Variants in GORASP1 observed in about 807,000 individuals in gnomAD.
GORASP1 encodes the protein golgi reassembly stacking protein 1.
A neutral mutation model predicts 37.7 loss-of-function variants in GORASP1; 31 were observed. That is an observed-to-expected ratio of 0.82 (90% CI 0.62 to 1.11). GORASP1 has a LOEUF of 1.11. Ranked by LOEUF, GORASP1 falls within the 50% of genes least tolerant of loss-of-function variation. GORASP1 has a pLI of 0.00. For missense variants in GORASP1, 476 were observed against 560.7 expected (o/e 0.85, Z 1.53); for synonymous variants, 204 against 224.8 (o/e 0.91, Z 0.83).
rs1207679725 is a variant in GORASP1 at position 39,105,781 on chromosome 3, C to G, written c.63+1698G>C. On this transcript the variant is annotated intron_variant, in intron 1 of 8. Transcript: ENST00000319283. This position sits in a 1 kb window ranked among gnomAD's most constrained non-coding sequence, Gnocchi z 5.4. ...ATAAAATCTTAAATCTTCAGGACAA[C>G]AGGCAAGGTCCTACACGGTCTGCTC... 6.6e-6 allele frequency among the ~76,000 whole-genome samples: 1 copy of G among 152,182 alleles called. No individual in the cohort carries two copies. Among genetic ancestry groups the G allele is most frequent in the African/African-American group, 2.4e-5 (1 of 41,436 alleles).
intron 6 of GORASP1, among the ~76,000 whole-genome samples, chr3:39,099,842 G>A (rs763053560): frequency 6.6e-6 from 1 of 152,144 alleles, no homozygotes; most frequent in African/African-American, 2.4e-5. Context: ...GGCATACCTG[G>A]AGAACATCCT....
At position 39,107,470 on chromosome 3, in the gene GORASP1, G is replaced by A; in HGVS notation, c.63+9C>T. On this transcript the variant is annotated intron_variant, in intron 1 of 8. Coordinates refer to ENST00000319283, the MANE Select transcript of GORASP1 (RefSeq NM_031899.4). ...CGCCAAGGTCACCGGCGCCGCGGCG[G>A]CAACTCACCCCGTGGAGGTGGAAGC... The A allele has an allele frequency of 1.5e-6, 2 of 1,354,654 alleles. No individual in the cohort carries two copies. The highest frequency in any genetic ancestry group is 1.9e-5 in the South Asian group (1 of 53,588). 83.9% of individuals were successfully genotyped at this position (1,354,654 alleles called of 1,614,324 possible).
Position 39,100,478 on chromosome 3 carries a change from A to G in GORASP1, c.592T>C (p.Tyr198His), listed in dbSNP as rs1292251372. 6.3e-7 allele frequency: 1 copy of G among 1,583,720 alleles called. No individual in the cohort carries two copies. Among genetic ancestry groups the G allele is most frequent in the East Asian group, 2.2e-5 (1 of 44,602 alleles). Reference sequence around the variant, plus strand: ...GGCTGAGTTGGGATCCGGTGTAGATACCCATAGCCAATGCCACATCCCAGA... The same window carrying G: ...GGCTGAGTTGGGATCCGGTGTAGATGCCCATAGCCAATGCCACATCCCAGA... ...GSLGCGIGYG[Y>H]LHRIPTQPPS... The change falls in exon 6 of 9, where the codon TAT (tyrosine) becomes CAT (histidine). Residue 198 changes from tyrosine (Y) to histidine (H), a missense_variant. Transcript: ENST00000319283. This position sits in a 1 kb window ranked among gnomAD's most constrained non-coding sequence, Gnocchi z 4.6.
chr3:39,103,494 G>A lies in GORASP1; in HGVS notation c.123C>T (p.Ile41=). The A allele has an allele frequency of 6.2e-7, 1 of 1,613,508 alleles. No individual in the cohort carries two copies. Among genetic ancestry groups the A allele is most frequent in the Non-Finnish European group, 8.5e-7 (1 of 1,179,782 alleles). The change falls in exon 2 of 9, where the codon ATC becomes ATT. Residue 41 remains isoleucine (I), a synonymous_variant. Transcript: ENST00000319283. The surrounding 1 kb of genome is among the most constrained non-coding windows in gnomAD (Gnocchi z 5.2). ...AGLEPYFDFI[I]TIGHSRLNKE... ...TCACCAGCCTCGAGTGCCCAATGGT[G>A]ATGATGAAGTCAAAGTAGGGCTCCA...
In GORASP1 at chr3:39,103,239, G is replaced by C. The variant is rs1224411311; in HGVS notation, c.144+234C>G. 1.0e-5 allele frequency: 6 copies of C among 588,104 alleles called. No homozygotes were observed. The highest frequency in any genetic ancestry group is 1.8e-5 in the Non-Finnish European group (6 of 331,282). 36.4% of individuals were successfully genotyped at this position (588,104 alleles called of 1,614,324 possible). ...CCAGGAGGCAGGCCCCTTGGGCCTT[G>C]TTGCCACCTCCAAGAGGCCATATGT... On this transcript the variant is annotated intron_variant, in intron 2 of 8. Coordinates refer to ENST00000319283, the MANE Select transcript of GORASP1 (RefSeq NM_031899.4). This position sits in a 1 kb window ranked among gnomAD's most constrained non-coding sequence, Gnocchi z 5.2.
chr3:39,101,256 C>G (rs1367130983), intron 3 of GORASP1, 154 bp from the exon 4 acceptor site: 1 of 677,302 alleles, frequency 1.5e-6, no homozygotes, highest in Non-Finnish European at 2.7e-6. Context: ...CATTTCACCC[C>G]TCCATTCCCC....
intron 1 of GORASP1, among the ~76,000 whole-genome samples, chr3:39,106,223 TAGG>T (rs1212300659): frequency 6.6e-6 from 1 of 152,168 alleles, no homozygotes; most frequent in Non-Finnish European, 1.5e-5. Context: ...CCTGCCAGAG[TAGG>T]AGCTCAAAAC....
rs1159257756 is a variant in GORASP1, at chr3:39,098,540, G to A, written c.1070-51C>T. On this transcript the variant is annotated intron_variant, in intron 8 of 8. Transcript: ENST00000319283. This position sits in a 1 kb window ranked among gnomAD's most constrained non-coding sequence, Gnocchi z 4.7. ...GAGGTCTGCAAGAACCTAGGGCCATGGTGTTAGGGCCAGTAACCCCACCGA... is the reference window on the plus strand; with the variant it reads ...GAGGTCTGCAAGAACCTAGGGCCATAGTGTTAGGGCCAGTAACCCCACCGA... 6.4e-7 allele frequency: 1 copy of A among 1,572,636 alleles called. No individual in the cohort carries two copies.
rs1404376600 is a variant in GORASP1, at chr3:39,096,819, G to T, written c.*1417C>A. ...ACTTATGGGGGAAGGGAAAGTAAAA[G>T]TGAGGGAGGGAAGAGCCAGAACCTT... On this transcript the variant is annotated 3_prime_UTR_variant, in exon 9 of 9. Transcript: ENST00000319283. 1 of 152,204 alleles carries T rather than the reference G, an allele frequency of 6.6e-6. No individual in the cohort carries two copies. The highest frequency in any genetic ancestry group is 2.4e-5 in the African/African-American group (1 of 41,438). 9.4% of individuals were successfully genotyped at this position (152,204 alleles called of 1,614,324 possible). A position where few individuals can be genotyped will look rare whatever the true frequency, so the allele number is the denominator to read the frequency against.
chr3:39,102,004 C>T lies in GORASP1; in HGVS notation c.348+674G>A, dbSNP rs1021413915. Among the ~76,000 whole-genome samples, 1 of 152,174 alleles carries T rather than the reference C, an allele frequency of 6.6e-6. No homozygotes were observed. Among genetic ancestry groups the T allele is most frequent in the African/African-American group, 2.4e-5 (1 of 41,422 alleles). On this transcript the variant is annotated intron_variant, in intron 3 of 8. Transcript: ENST00000319283. This position sits in a 1 kb window ranked among gnomAD's most constrained non-coding sequence, Gnocchi z 5.0. The stretch of plus-strand genomic sequence containing the variant: ...TATACCAGAAAAAACAGTATATTTA[C>T]AGTCACATTGCTTAATGACAGGGAT...
intron 3 of GORASP1, chr3:39,101,394 C>G (rs927316206): frequency 5.2e-6 from 3 of 573,970 alleles, no homozygotes; most frequent in Non-Finnish European, 9.7e-6. Flanking sequence ...ACTATAAACA[C>G]ATTATTGAAC....
In GORASP1 at chr3:39,100,904, C is replaced by T; in HGVS notation, c.436-27G>A. ...TGTGAGAAACGCATAGCACCTGAGG[C>T]CTGCTTCCAGGGCTAAAGCCTCAAC... On this transcript the variant is annotated intron_variant, in intron 4 of 8. Coordinates refer to ENST00000319283, the MANE Select transcript of GORASP1 (RefSeq NM_031899.4). The surrounding 1 kb of genome is among the most constrained non-coding windows in gnomAD (Gnocchi z 4.6). 1 of 1,614,120 alleles carries T rather than the reference C, an allele frequency of 6.2e-7. No individual in the cohort carries two copies. Among genetic ancestry groups the T allele is most frequent in the Admixed American group, 1.7e-5 (1 of 60,020 alleles).
In GORASP1 at chr3:39,097,892, G is replaced by A; in HGVS notation, c.*344C>T. 1 of 269,780 alleles carries A rather than the reference G, an allele frequency of 3.7e-6. No homozygotes were observed. Among genetic ancestry groups the A allele is most frequent in the Admixed American group, 5.1e-5 (1 of 19,644 alleles). The allele number at this position is 269,780 out of a possible 1,614,324, so 16.7% of individuals were successfully genotyped here. On this transcript the variant is annotated 3_prime_UTR_variant, in exon 9 of 9. Coordinates refer to ENST00000319283, the MANE Select transcript of GORASP1 (RefSeq NM_031899.4). ...TCCCAGGGCTCCAGGGTCCCTTCCA[G>A]TACAGATGGGGTGGGCTGAGCTGTG...
chr3:39,100,363 G>A lies in GORASP1; in HGVS notation c.707C>T (p.Pro236Leu). 1.2e-6 allele frequency: 2 copies of A among 1,614,158 alleles called. No individual in the cohort carries two copies. Among genetic ancestry groups the A allele is most frequent in the Admixed American group, 1.7e-5 (1 of 60,016 alleles). Residue 236 changes from proline to leucine, a missense_variant, in exon 6 of 9, where the codon CCC becomes CTC. Physicochemically the swap from Pro to Leu is moderately conservative, Grantham distance 98. Coordinates refer to ENST00000319283, the MANE Select transcript of GORASP1 (RefSeq NM_031899.4). The surrounding 1 kb of genome is among the most constrained non-coding windows in gnomAD (Gnocchi z 4.6). ...APPPDALPPGPTPEDSPSLET... is the reference protein window; with the variant it reads ...APPPDALPPGLTPEDSPSLET... Reference sequence around the variant, plus strand: ...CAGGGAAGGAGAGTCCTCGGGGGTGGGTCCAGGTGGTAGAGCATCAGGTGG... The same window carrying A: ...CAGGGAAGGAGAGTCCTCGGGGGTGAGTCCAGGTGGTAGAGCATCAGGTGG...
In GORASP1 at chr3:39,100,358, G is replaced by T. The variant is rs771732595; in HGVS notation, c.712C>A (p.Pro238Thr). 4.3e-6 allele frequency: 7 copies of T among 1,614,168 alleles called. No individual in the cohort carries two copies. In the Admixed American group the frequency reaches 1.0e-4, roughly 23 times the overall value. The change falls in exon 6 of 9, where the codon CCC (proline) becomes ACC (threonine). Residue 238 changes from proline (P) to threonine (T), a missense_variant. Physicochemically the swap from Pro to Thr is conservative, Grantham distance 38. Transcript: ENST00000319283. This position sits in a 1 kb window ranked among gnomAD's most constrained non-coding sequence, Gnocchi z 4.6. Reference protein sequence around the residue: ...PPDALPPGPTPEDSPSLETGS... With the variant: ...PPDALPPGPTTEDSPSLETGS... Reference sequence around the variant, plus strand: ...GTCTCCAGGGAAGGAGAGTCCTCGGGGGTGGGTCCAGGTGGTAGAGCATCA... The same window carrying T: ...GTCTCCAGGGAAGGAGAGTCCTCGGTGGTGGGTCCAGGTGGTAGAGCATCA...
At position 39,097,622 on chromosome 3, in the gene GORASP1, G is replaced by A. The variant is rs2035418601; in HGVS notation, c.*614C>T. On this transcript the variant is annotated 3_prime_UTR_variant, in exon 9 of 9. Coordinates refer to ENST00000319283, the MANE Select transcript of GORASP1 (RefSeq NM_031899.4). ...GGAGCTAACAGGAGTTGCCACTGGGGATACAGGTCTGTGGCATGTAGTCCC... is the reference window on the plus strand; with the variant it reads ...GGAGCTAACAGGAGTTGCCACTGGGAATACAGGTCTGTGGCATGTAGTCCC... The A allele has an allele frequency of 6.6e-6, 1 of 152,366 alleles. No homozygotes were observed. The highest frequency in any genetic ancestry group is 1.5e-5 in the Non-Finnish European group (1 of 68,192). The allele number at this position is 152,366 out of a possible 1,614,324, so 9.4% of individuals were successfully genotyped here.
chr3:39,101,725 G>GCTTA (rs2035733414), intron 3 of GORASP1, among the ~76,000 whole-genome samples: 1 of 152,180 alleles, frequency 6.6e-6, no homozygotes, highest in Non-Finnish European at 1.5e-5. Flanking sequence ...GGCAGATTAA[G>GCTTA]GCAGGCTGTG....
In GORASP1 at chr3:39,106,644, G is replaced by T. The variant is rs759279661; in HGVS notation, c.63+835C>A. ...CCAGCTGCCTTTCACTAGGGAAAGGGGGGGTGCAGGGACGCCTCTTCCCCG... is the reference window on the plus strand; with the variant it reads ...CCAGCTGCCTTTCACTAGGGAAAGGTGGGGTGCAGGGACGCCTCTTCCCCG... On this transcript the variant is annotated intron_variant, in intron 1 of 8. Coordinates refer to ENST00000319283, the MANE Select transcript of GORASP1 (RefSeq NM_031899.4). Among the ~76,000 whole-genome samples the T allele has an allele frequency of 3.3e-5, 5 of 152,262 alleles. No individual in the cohort carries two copies. The South Asian group carries it at 1.0e-3, about 32-fold the overall frequency.
rs1391887751 is a variant in GORASP1 at position 39,100,466 on chromosome 3, T to G, written c.604A>C (p.Ile202Leu). ...CGIGYGYLHR[I>L]PTQPPSYHKK... ...TGGTAGCTGGGGGGCTGAGTTGGGATCCGGTGTAGATACCCATAGCCAATG... is the reference window on the plus strand; with the variant it reads ...TGGTAGCTGGGGGGCTGAGTTGGGAGCCGGTGTAGATACCCATAGCCAATG... Residue 202 changes from isoleucine to leucine, a missense_variant, in exon 6 of 9, where the codon ATC (isoleucine) becomes CTC (leucine). By Grantham distance (5) the Ile-to-Leu change is conservative. Transcript: ENST00000319283. This position sits in a 1 kb window ranked among gnomAD's most constrained non-coding sequence, Gnocchi z 4.6. 8.1e-6 allele frequency: 13 copies of G among 1,600,164 alleles called. No homozygotes were observed. The Middle Eastern group carries it at 5.1e-4, about 62-fold the overall frequency.
Sources: gnomAD v4.1 joint callset for allele counts (sites outside exome capture counted in the v4.1 genomes callset) on GRCh38, gnomAD v4.1.1 for gene constraint, Gnocchi (gnomAD v3.1) non-coding constraint, MANE v1.5 for transcripts, NCBI Gene and HGNC (gene_info 2026-07-23, HGNC 2026-07-21) for gene names.